PHF21A: variants seen among roughly 807,000 people sequenced by gnomAD.
The protein encoded by PHF21A is BHC80a.
Under a neutral mutation model 82.5 loss-of-function variants are expected in PHF21A, and 11 were observed. The ratio of observed to expected loss-of-function variants is 0.13; its 90% CI spans 0.08 to 0.22. The LOEUF (loss-of-function observed/expected upper bound fraction) is 0.22. Ranked by LOEUF, PHF21A falls within the 10% of genes least tolerant of loss-of-function variation. The pLI, the probability that PHF21A is intolerant of heterozygous loss-of-function variation, is 1.00. For synonymous variants in PHF21A, 297 were observed against 302.8 expected, an observed-to-expected ratio of 0.98 and a Z score of 0.20; for missense variants, 579 against 837.8, an observed-to-expected ratio of 0.69 and a Z score of 3.81.
chr11:46,091,197 T>TTGG (rs1166224445), intron 2 of PHF21A, among the ~76,000 whole-genome samples: 1 of 152,150 alleles, frequency 6.6e-6, no homozygotes, highest in Non-Finnish European at 1.5e-5. Flanking sequence ...CTATATCTAC[T>TTGG]CCACCCACCA....
chr11:46,072,660 TA>T (rs2096668778), intron 6 of PHF21A, among the ~76,000 whole-genome samples: 2 of 152,210 alleles, frequency 1.3e-5, no homozygotes, highest in Admixed American at 6.5e-5. Context: ...CAATGTGAGA[TA>T]ATAATAGAAA....
At chr11:45,985,776 C>A (rs1217458075) in intron 6 of PHF21A, among the ~76,000 whole-genome samples, 1 of 152,144 alleles carries the variant, frequency 6.6e-6, no homozygotes, top group Non-Finnish European at 1.5e-5. Context: ...ACAGAAACAG[C>A]ATCTACAACC....
In PHF21A at chr11:45,979,611, T is replaced by C. The variant is rs573043429; in HGVS notation, c.360+149A>G. ...TGCCAATGATTACAAGTGATACTTA[T>C]CTGGGTTATACTGTAAAAAAGCAAT... On this transcript the variant is annotated intron_variant, in intron 7 of 18. Coordinates refer to ENST00000676320, the MANE Select transcript of PHF21A (RefSeq NM_001352027.3). The C allele has an allele frequency of 1.8e-4, 187 of 1,053,826 alleles. No homozygotes were observed. In the South Asian group the frequency reaches 2.0e-3, roughly 11 times the overall value. The allele number at this position is 1,053,826 out of a possible 1,614,324, so 65.3% of individuals were successfully genotyped here. A position where few individuals can be genotyped will look rare whatever the true frequency, so the allele number is the denominator to read the frequency against.
At chr11:45,944,798 C>G (rs2091039776) in intron 15 of PHF21A, among the ~76,000 whole-genome samples, 1 of 152,248 alleles carries the variant, frequency 6.6e-6, no homozygotes, top group African/African-American at 2.4e-5. Flanking sequence ...TGGAGTCTCA[C>G]TCTTGTCACC....
At position 45,961,915 on chromosome 11, in the gene PHF21A, C is replaced by A. The variant is rs112674014; in HGVS notation, c.996+3400G>T. Among the ~76,000 whole-genome samples the A allele has an allele frequency of 7.6e-3, 1,156 of 152,254 alleles. 14 individuals are homozygous for A. The highest frequency in any genetic ancestry group is 0.027 in the African/African-American group (1,109 of 41,540). On this transcript the variant is annotated intron_variant, in intron 10 of 18. Transcript: ENST00000676320. ...AACCCTATCACTTGTTTTCTCAGAG[C>A]CACAGTGTAACGTGGTTTCTAATAA...
chr11:46,044,319 T>A (rs2096218076), intron 6 of PHF21A, among the ~76,000 whole-genome samples: 1 of 152,030 alleles, frequency 6.6e-6, no homozygotes, highest in Admixed American at 6.6e-5. Flanking sequence ...AAAAGAAAAT[T>A]CATGCAAGGT....
intron 1 of PHF21A, among the ~76,000 whole-genome samples, chr11:46,092,995 T>A (rs569908376): frequency 1.4e-4 from 21 of 152,204 alleles, no homozygotes; most frequent in African/African-American, 5.1e-4. Flanking sequence ...GCTCAAGCAA[T>A]CCTCCCTGCC....
chr11:45,986,534 A>G (rs900201902), intron 6 of PHF21A, among the ~76,000 whole-genome samples: 1 of 152,218 alleles, frequency 6.6e-6, no homozygotes, highest in Admixed American at 6.5e-5. Flanking sequence ...CAATCGAACA[A>G]TGCATACTAG....
intron 18 of PHF21A, chr11:45,934,548 TA>T (rs371707698): frequency 0.18 from 38,625 of 212,268 alleles, 1,338 homozygotes; most frequent in South Asian, 0.34. Context: ...AAAGGTTGTT[TA>T]AAAAAAAAAA....
intron 6 of PHF21A, among the ~76,000 whole-genome samples, chr11:45,987,655 C>T (rs1280238160): frequency 2.3e-5 from 2 of 88,714 alleles, no homozygotes; most frequent in Non-Finnish European, 4.2e-5. Flanking sequence ...AGCAAGACCC[C>T]GTCTCAAAAA....
intron 6 of PHF21A, among the ~76,000 whole-genome samples, chr11:46,015,469 T>C (rs1286303957): frequency 6.6e-6 from 1 of 152,132 alleles, no homozygotes; most frequent in African/African-American, 2.4e-5. Context: ...ATTCTTATAG[T>C]TTGAGATTTT....
intron 1 of PHF21A, among the ~76,000 whole-genome samples, chr11:46,101,859 CT>C (rs749509550): frequency 4.4e-3 from 617 of 140,912 alleles, no homozygotes; most frequent in Admixed American, 4.3e-3. Context: ...TGGTCTCCCT[CT>C]TTTTTTTTTT....
rs35995547 is a variant in PHF21A, at chr11:45,935,741, TAAAAAAAAAAAAAA to T, written c.1685-16_1685-3del. Reference sequence around the variant, plus strand: ...ACTTCTGTTTCTCTTCTTCTTTTGCTAAAAAAAAAAAAAAAAAAAAAAAGGAACGGTTTTTGACA... The same window carrying T: ...ACTTCTGTTTCTCTTCTTCTTTTGCTAAAAAAAAAGGAACGGTTTTTGACA... On this transcript the variant is annotated splice_region_variant and splice_polypyrimidine_tract_variant and intron_variant, in intron 17 of 18. Transcript: ENST00000676320. 53 of 523,662 alleles carry T rather than the reference TAAAAAAAAAAAAAA, an allele frequency of 1.0e-4. No homozygotes were observed. In the African/African-American group the frequency reaches 1.1e-3, roughly 11 times the overall value. The allele number at this position is 523,662 out of a possible 1,614,324, so 32.4% of individuals were successfully genotyped here. A position where few individuals can be genotyped will look rare whatever the true frequency, so the allele number is the denominator to read the frequency against.
At chr11:46,047,958 A>G (rs1038924188) in intron 6 of PHF21A, among the ~76,000 whole-genome samples, 1 of 152,242 alleles carries the variant, frequency 6.6e-6, no homozygotes. Context: ...ACCAAATGAA[A>G]TATGTAATAC....
chr11:45,957,954 A>C (rs2092787909), intron 10 of PHF21A, among the ~76,000 whole-genome samples: 2 of 152,100 alleles, frequency 1.3e-5, no homozygotes. Flanking sequence ...TACATCTCAC[A>C]GAATTCAAAA....
At chr11:45,950,045 G>A (rs757688136) in intron 12 of PHF21A, among the ~76,000 whole-genome samples, 161 bp downstream of exon 12, 2 of 152,148 alleles carry the variant, frequency 1.3e-5, no homozygotes, top group South Asian at 2.1e-4. Context: ...ATTAGACAGA[G>A]GGAAGGCAAT....
intron 6 of PHF21A, among the ~76,000 whole-genome samples, chr11:46,072,951 T>A (rs1371643843): frequency 6.6e-6 from 1 of 152,202 alleles, no homozygotes; most frequent in African/African-American, 2.4e-5. Flanking sequence ...CATATCAGAA[T>A]ATCTCCATAA....
At chr11:45,964,280 G>T (rs1317934519) in intron 10 of PHF21A, among the ~76,000 whole-genome samples, 1 of 151,114 alleles carries the variant, frequency 6.6e-6, no homozygotes, top group Admixed American at 6.6e-5. Flanking sequence ...GGTTTGAATA[G>T]GTTCCCCAGG....
At chr11:45,973,302 T>C (rs184453159) in intron 7 of PHF21A, among the ~76,000 whole-genome samples, 24 of 152,330 alleles carry the variant, frequency 1.6e-4, no homozygotes, top group African/African-American at 5.5e-4. Flanking sequence ...AGTACCTCCA[T>C]TCTCTCAGAA....
Sources: gnomAD v4.1 joint callset for allele counts (sites outside exome capture counted in the v4.1 genomes callset) on GRCh38, gnomAD v4.1.1 for gene constraint, MANE v1.5 for transcripts, NCBI Gene and HGNC (gene_info 2026-07-23, HGNC 2026-07-21) for gene names.